WDR27: variants seen among roughly 807,000 people sequenced by gnomAD.
WDR27 encodes WD repeat domain 27, also known as WD repeat-containing protein 27.
WDR27 carries 100 observed loss-of-function variants against 114.4 expected under a neutral mutation model. The ratio of observed to expected loss-of-function variants is 0.87; its 90% confidence interval spans 0.74 to 1.03. WDR27 has a LOEUF of 1.03. Ranked by LOEUF, WDR27 falls within the 50% of genes least tolerant of loss-of-function variation. The pLI is 0.00. For synonymous variants in WDR27, 449 were observed against 423.1 expected, an observed-to-expected ratio of 1.06 and a Z score of -0.75; for missense variants, 1,129 against 1,092.9, an observed-to-expected ratio of 1.03 and a Z score of -0.47.
rs142052070 is a variant in WDR27 at position 169,597,288 on chromosome 6, T to C, written c.2424+4931A>G. ...AATCATGGTTATTTTTAAAACCTTG[T>C]CTGCTAAGTCCAATACCTGGGTCAC... On this transcript the variant is annotated intron_variant, in intron 23 of 25. Transcript: ENST00000448612. Among the ~76,000 whole-genome samples, 299 of 152,348 alleles carry C rather than the reference T, an allele frequency of 2.0e-3. 2 individuals carry two copies. Among genetic ancestry groups the C allele is most frequent in the African/African-American group, 6.8e-3 (283 of 41,590 alleles).
the WDR27 span, among the ~76,000 whole-genome samples, chr6:169,436,019 T>A: frequency 6.6e-6 from 1 of 152,226 alleles, no homozygotes; most frequent in Admixed American, 6.5e-5. Context: ...AAGCTGAAAG[T>A]TTCTTGTTTT....
In WDR27 at chr6:169,672,245, T is replaced by C. The variant is rs149515313; in HGVS notation, c.331+10A>G. ...AGGTTTTTAAAAACATGTTTTAGAT[T>C]TTCATTTACCTTGAAGTACTTTCTC... On this transcript the variant is annotated intron_variant, in intron 3 of 25. Coordinates refer to ENST00000448612, the MANE Select transcript of WDR27 (RefSeq NM_182552.5). 2.8e-4 allele frequency: 458 copies of C among 1,611,318 alleles called. 2 individuals are homozygous for C. In the East Asian group the frequency reaches 8.7e-3, roughly 30 times the overall value.
In WDR27 at chr6:169,667,176, A is replaced by G; in HGVS notation, c.672T>C (p.His224=). ...AACTGTATATTAATGATCCTGTACA[A>G]TGGTCCCAGACCTTTGGATAAACAC... The part of the protein sequence containing the change: ...SEDRGFKVWD[H]CTGSLIYSSS... Residue 224 remains histidine, a synonymous_variant, in exon 6 of 26, where the codon CAT becomes CAC. Transcript: ENST00000448612. The G allele has an allele frequency of 6.5e-7, 1 of 1,529,052 alleles. No individual in the cohort carries two copies. Among genetic ancestry groups the G allele is most frequent in the Admixed American group, 2.2e-5 (1 of 45,048 alleles). The allele number at this position is 1,529,052 out of a possible 1,614,324, so 94.7% of individuals were successfully genotyped here.
At chr6:169,537,256 C>T (rs1235147164) in intron 25 of WDR27, among the ~76,000 whole-genome samples, 4 of 152,080 alleles carry the variant, frequency 2.6e-5, no homozygotes, top group African/African-American at 9.7e-5. Context: ...CAGGGAGGAG[C>T]ATCCAATAAG....
chr6:169,450,928 T>C, the WDR27 span, among the ~76,000 whole-genome samples: 1 of 152,196 alleles, frequency 6.6e-6, no homozygotes, highest in Non-Finnish European at 1.5e-5. Flanking sequence ...AACAGTCTCA[T>C]ATTAGGTATG....
chr6:169,556,187 AG>A (rs1434710601), intron 25 of WDR27, among the ~76,000 whole-genome samples: 1 of 152,202 alleles, frequency 6.6e-6, no homozygotes, highest in Admixed American at 6.5e-5. Flanking sequence ...TGGGGGCCTC[AG>A]GGAGCTGATG....
chr6:169,610,552 T>C (rs1162170733), intron 22 of WDR27, among the ~76,000 whole-genome samples: 1 of 152,200 alleles, frequency 6.6e-6, no homozygotes, highest in South Asian at 2.1e-4. Context: ...AATGCCCCCA[T>C]TATTTAATCA....
Position 169,672,277 on chromosome 6 carries a change from T to G in WDR27, c.309A>C (p.Glu103Asp), listed in dbSNP as rs1329034652. ...LDYVIMWNLD[E>D]CREKVLQGLV... Reference sequence around the variant, plus strand: ...TACCTTGAAGTACTTTCTCTCTACATTCATCCAGGTTCCACATTATAACAT... The same window carrying G: ...TACCTTGAAGTACTTTCTCTCTACAGTCATCCAGGTTCCACATTATAACAT... The change falls in exon 3 of 26, where the codon GAA (glutamate) becomes GAC (aspartate). Residue 103 changes from glutamate (E) to aspartate (D), a missense_variant. Transcript: ENST00000448612. The G allele has an allele frequency of 6.2e-7, 1 of 1,612,902 alleles. No homozygotes were observed. The highest frequency in any genetic ancestry group is 1.1e-5 in the South Asian group (1 of 90,628).
chr6:169,546,593 C>T (rs1584116669), intron 25 of WDR27, among the ~76,000 whole-genome samples: 1 of 152,156 alleles, frequency 6.6e-6, no homozygotes, highest in Non-Finnish European at 1.5e-5. Context: ...CACCTGAGGC[C>T]GTCTCTTCTC....
intron 4 of WDR27, chr6:169,668,582 A>T (rs945681443): frequency 5.6e-6 from 1 of 177,244 alleles, no homozygotes; most frequent in Non-Finnish European, 1.2e-5. Context: ...ACAGCACCCC[A>T]GAAGTCAGCG....
At chr6:169,683,039 A>T (rs1047775411) in intron 2 of WDR27, among the ~76,000 whole-genome samples, 3 of 152,182 alleles carry the variant, frequency 2.0e-5, no homozygotes, top group African/African-American at 4.8e-5. Context: ...AGAAAATGAA[A>T]AGGAATGAAG....
intron 23 of WDR27, among the ~76,000 whole-genome samples, chr6:169,588,383 A>G (rs1805055809): frequency 6.6e-6 from 1 of 152,254 alleles, no homozygotes; most frequent in South Asian, 2.1e-4. Flanking sequence ...ACAGACTAGT[A>G]TCTACATATA....
intron 25 of WDR27, among the ~76,000 whole-genome samples, chr6:169,514,871 T>C (rs1793431665): frequency 6.6e-6 from 1 of 151,126 alleles, no homozygotes; most frequent in African/African-American, 2.4e-5. Context: ...ATTTGACAAA[T>C]AGTAATTACA....
At chr6:169,460,860 T>A (rs1784822439) in intron 25 of WDR27, among the ~76,000 whole-genome samples, 1 of 152,046 alleles carries the variant, frequency 6.6e-6, no homozygotes, top group African/African-American at 2.4e-5. Flanking sequence ...GTTAAAGAAA[T>A]CCACATACAA....
intron 25 of WDR27, among the ~76,000 whole-genome samples, chr6:169,551,858 CGCT>C (rs1798182717): frequency 6.6e-6 from 1 of 152,152 alleles, no homozygotes; most frequent in Admixed American, 6.5e-5. Context: ...CACGCAACTC[CGCT>C]GCTGCTATTC....
chr6:169,627,908 G>A lies in WDR27; in HGVS notation c.2223+5039C>T, dbSNP rs564185024. Among the ~76,000 whole-genome samples, 5 of 152,258 alleles carry A rather than the reference G, an allele frequency of 3.3e-5. No individual in the cohort carries two copies. In the South Asian group the frequency reaches 1.0e-3, roughly 32 times the overall value. On this transcript the variant is annotated intron_variant, in intron 21 of 25. Coordinates refer to ENST00000448612, the MANE Select transcript of WDR27 (RefSeq NM_182552.5). ...CTCGCTGAGCCTGTGAGAACACACA[G>A]GGAAAGGCCACGGCGTTCCAGAGAC...
intron 25 of WDR27, among the ~76,000 whole-genome samples, chr6:169,571,720 C>A (rs1254619419): frequency 6.6e-6 from 1 of 152,092 alleles, no homozygotes; most frequent in Non-Finnish European, 1.5e-5. Context: ...GACTGCCAGT[C>A]CGAGCAACTC....
At chr6:169,530,200 C>T (rs1454248825) in intron 25 of WDR27, among the ~76,000 whole-genome samples, 1 of 152,178 alleles carries the variant, frequency 6.6e-6, no homozygotes, top group Non-Finnish European at 1.5e-5. Flanking sequence ...ATAATACGAA[C>T]CATCTTCCAT....
chr6:169,489,650 G>A (rs767173087), intron 25 of WDR27, among the ~76,000 whole-genome samples: 24 of 152,176 alleles, frequency 1.6e-4, no homozygotes, highest in Non-Finnish European at 3.4e-4. Context: ...CTCAGACCTC[G>A]TGAGGAATGA....
Sources: allele counts gnomAD v4.1 joint callset (sites outside exome capture counted in the v4.1 genomes callset), GRCh38; gene constraint gnomAD v4.1.1; transcripts MANE v1.5; gene names NCBI Gene and HGNC (gene_info 2026-07-23, HGNC 2026-07-21).